The following SLC1A1 variants were observed in gnomAD, a reference collection of about 807,000 sequenced individuals.
SLC1A1 encodes solute carrier family 1 member 1.
In SLC1A1, 43 loss-of-function variants were observed where a neutral mutation model predicts 53.3. The ratio of observed to expected loss-of-function variants is 0.81; its 90% CI spans 0.63 to 1.04. The LOEUF is 1.04. SLC1A1 is among the 50% of genes least tolerant of loss of function. The pLI is 0.00. For synonymous variants in SLC1A1, 307 were observed against 243.2 expected, an observed-to-expected ratio of 1.26 and a Z score of -2.44; for missense variants, 748 against 664.9, an observed-to-expected ratio of 1.12 and a Z score of -1.37.
At chr9:4,495,558 G>C (rs62542051) in intron 1 of SLC1A1, among the ~76,000 whole-genome samples, 2 of 152,154 alleles carry the variant, frequency 1.3e-5, no homozygotes, top group Non-Finnish European at 2.9e-5. Flanking sequence ...TACTGAGAAG[G>C]TGACAGTTGA....
chr9:4,571,681 AAAAT>A (rs35825973), intron 6 of SLC1A1, among the ~76,000 whole-genome samples: 45 of 149,632 alleles, frequency 3.0e-4, no homozygotes, highest in Admixed American at 1.8e-3. Context: ...CATCTCAGAA[AAAAT>A]AAATAAATAA....
At chr9:4,497,430 T>C (rs187094799) in intron 1 of SLC1A1, among the ~76,000 whole-genome samples, 2 of 152,266 alleles carry the variant, frequency 1.3e-5, no homozygotes, top group Admixed American at 1.3e-4. Flanking sequence ...GGGAAGGACG[T>C]TTGTGTTGCT....
chr9:4,499,335 G>A (rs539058356), intron 1 of SLC1A1, among the ~76,000 whole-genome samples: 1 of 152,150 alleles, frequency 6.6e-6, no homozygotes, highest in African/African-American at 2.4e-5. Context: ...ATGAGTCACG[G>A]GGCCCAGCCA....
chr9:4,527,201 A>C (rs6476874), intron 1 of SLC1A1, among the ~76,000 whole-genome samples: 117,929 of 152,004 alleles, frequency 0.78, 46,574 homozygotes, highest in Non-Finnish European at 0.86. Context: ...TGAGAACAGC[A>C]TCATGAGCCT....
chr9:4,561,088 T>C (rs1354156321), intron 2 of SLC1A1, among the ~76,000 whole-genome samples: 3 of 152,196 alleles, frequency 2.0e-5, no homozygotes, highest in Non-Finnish European at 4.4e-5. Flanking sequence ...AAAGGAGGTT[T>C]ATCACAAGGG....
chr9:4,531,216 A>C (rs1186263033), intron 1 of SLC1A1, among the ~76,000 whole-genome samples: 1 of 152,230 alleles, frequency 6.6e-6, no homozygotes, highest in Non-Finnish European at 1.5e-5. Flanking sequence ...GGTGCAGGAC[A>C]GTGGGTGCAG....
At position 4,537,600 on chromosome 9, in the gene SLC1A1, A is replaced by AAATAAAAT. The variant is rs1236896994; in HGVS notation, c.92-6965_92-6964insTAAAATAA. ...AAATAAAATAAAATAAAATAAAATA[A>AAATAAAAT]AAAAAAAAAAAATCACATGCTACAA... On this transcript the variant is annotated intron_variant, in intron 1 of 11. Transcript: ENST00000262352. Among the ~76,000 whole-genome samples the AAATAAAAT allele has an allele frequency of 6.7e-5, 2 of 29,768 alleles. 1 individual carries two copies. The highest frequency in any genetic ancestry group is 1.5e-4 in the Non-Finnish European group (2 of 13,466). The allele number at this position is 29,768 out of a possible 152,430, so 19.5% of individuals were successfully genotyped here.
At chr9:4,508,331 A>G in intron 1 of SLC1A1, among the ~76,000 whole-genome samples, 1 of 152,192 alleles carries the variant, frequency 6.6e-6, no homozygotes, top group East Asian at 1.9e-4. Flanking sequence ...CATGGTACTG[A>G]TACACCTGTG....
chr9:4,582,901 G>A, intron 10 of SLC1A1, 137 bp from the exon 11 acceptor site: 1 of 1,125,548 alleles, frequency 8.9e-7, no homozygotes, highest in Non-Finnish European at 1.3e-6. Context: ...GGCTCAGCAA[G>A]TCACAGATTC....
At chr9:4,562,001 G>T (rs1818993100) in intron 3 of SLC1A1, among the ~76,000 whole-genome samples, 2 of 150,232 alleles carry the variant, frequency 1.3e-5, no homozygotes, top group African/African-American at 4.9e-5. Context: ...CAAGGGATCT[G>T]CCTGCCTCAG....
intron 1 of SLC1A1, among the ~76,000 whole-genome samples, chr9:4,529,686 C>CT (rs148370853): frequency 6.8e-6 from 1 of 148,090 alleles, no homozygotes; most frequent in Admixed American, 6.6e-5. Context: ...CAAAATGAAA[C>CT]TTTTTTTGTG....
chr9:4,525,611 G>A (rs1215296763), intron 1 of SLC1A1, among the ~76,000 whole-genome samples: 5 of 152,116 alleles, frequency 3.3e-5, no homozygotes, highest in South Asian at 4.2e-4. Flanking sequence ...AAGAAAAACA[G>A]GTGGAATAGA....
Position 4,490,707 on chromosome 9 carries a change from G to C in SLC1A1, c.28G>C (p.Glu10Gln), listed in dbSNP as rs762133255. The C allele has an allele frequency of 6.2e-7, 1 of 1,612,874 alleles. No homozygotes were observed. Among genetic ancestry groups the C allele is most frequent in the South Asian group, 1.1e-5 (1 of 91,034 alleles). ...GGGGAAACCGGCGAGGAAAGGATGC[G>C]AGTGGAAGCGCTTCCTGAAGAATAA... MGKPARKGC[E>Q]WKRFLKNNWV... Residue 10 changes from glutamate to glutamine, a missense_variant, in exon 1 of 12, where the codon GAG (glutamate) becomes CAG (glutamine). Physicochemically the swap from Glu to Gln is conservative, Grantham distance 29. Coordinates refer to ENST00000262352, the MANE Select transcript of SLC1A1 (RefSeq NM_004170.6).
chr9:4,537,277 C>CTACAACATGGAT (rs1586725300), intron 1 of SLC1A1, among the ~76,000 whole-genome samples: 1 of 119,516 alleles, frequency 8.4e-6, no homozygotes, highest in East Asian at 2.0e-4. Flanking sequence ...AAATCACATG[C>CTACAACATGGAT]GGCCGGGCGC....
At chr9:4,581,073 T>C (rs982779569) in intron 10 of SLC1A1, among the ~76,000 whole-genome samples, 4 of 152,196 alleles carry the variant, frequency 2.6e-5, no homozygotes, top group African/African-American at 9.6e-5. Flanking sequence ...GCAGTAGACA[T>C]ACTGTCCCCA....
intron 1 of SLC1A1, among the ~76,000 whole-genome samples, chr9:4,538,078 T>C (rs1208266880): frequency 6.6e-6 from 1 of 152,066 alleles, no homozygotes; most frequent in Non-Finnish European, 1.5e-5. Flanking sequence ...GCCTGACATA[T>C]AGTATGTGTT....
chr9:4,510,861 C>T (rs183515882), intron 1 of SLC1A1, among the ~76,000 whole-genome samples: 118 of 152,264 alleles, frequency 7.7e-4, no homozygotes, highest in African/African-American at 2.7e-3. Context: ...TACCATGTTC[C>T]CCCAAGCTTC....
chr9:4,535,188 G>C (rs1816628246), intron 1 of SLC1A1, among the ~76,000 whole-genome samples: 1 of 152,160 alleles, frequency 6.6e-6, no homozygotes. Flanking sequence ...ATTCAACATA[G>C]TGTTGGAAGT....
intron 1 of SLC1A1, among the ~76,000 whole-genome samples, chr9:4,520,237 G>C (rs1816020543): frequency 6.6e-6 from 1 of 152,152 alleles, no homozygotes; most frequent in Non-Finnish European, 1.5e-5. Flanking sequence ...CTGCCAAGTG[G>C]AAGTTTGAGC....
Sources: allele counts gnomAD v4.1 joint callset (sites outside exome capture counted in the v4.1 genomes callset), GRCh38; gene constraint gnomAD v4.1.1; transcripts MANE v1.5; gene names NCBI Gene and HGNC (gene_info 2026-07-23, HGNC 2026-07-21).